The following KLK1 variants were observed in gnomAD, a reference collection of about 807,000 sequenced individuals.
The protein encoded by KLK1 is kallikrein 1, also known as kallikrein-1.
In KLK1, 22 loss-of-function variants were observed where a neutral mutation model predicts 23.3. The observed-to-expected ratio is 0.95, with a 90% CI of 0.68 to 1.35. The LOEUF (loss-of-function observed/expected upper bound fraction) is 1.35. KLK1 is among the 40% of genes most tolerant of loss of function. KLK1 has a pLI of 0.00. For missense variants in KLK1, 301 were observed against 338.9 expected, an observed-to-expected ratio of 0.89 and a Z score of 0.88; for synonymous variants, 140 against 135.8, an observed-to-expected ratio of 1.03 and a Z score of -0.21.
rs542846850 is a variant in KLK1 at position 50,821,761 on chromosome 19, T to C, written c.157A>G (p.Ile53Val). The C allele has an allele frequency of 6.2e-7, 1 of 1,613,942 alleles. No individual in the cohort carries two copies. Among genetic ancestry groups the C allele is most frequent in the East Asian group, 2.2e-5 (1 of 44,858 alleles). ...YHFSTFQCGG[I>V]LVHRQWVLTA... ...AGCACCCACTGGCGGTGCACCAGGATGCCCCCACACTGGAAAGTGCTGAAA... is the reference window on the plus strand; with the variant it reads ...AGCACCCACTGGCGGTGCACCAGGACGCCCCCACACTGGAAAGTGCTGAAA... Residue 53 changes from isoleucine to valine, a missense_variant, in exon 2 of 5, where the codon ATC becomes GTC. Transcript: ENST00000301420. The surrounding 1 kb of genome is among the most constrained non-coding windows in gnomAD (Gnocchi z 5.6).
At chr19:50,822,763 C>T in intron 1 of KLK1, 1 of 985,194 alleles carries the variant, frequency 1.0e-6, no homozygotes, top group Non-Finnish European at 1.2e-6. Context: ...ATGGGGTCCT[C>T]TTGGAGGCAA....
chr19:50,820,209 G>A lies in KLK1; in HGVS notation c.441C>T (p.Pro147=), dbSNP rs1232637714. 5 of 1,611,648 alleles carry A rather than the reference G, an allele frequency of 3.1e-6. No homozygotes were observed. The highest frequency in any genetic ancestry group is 2.2e-5 in the South Asian group (2 of 90,970). The stretch of plus-strand genomic sequence containing the variant: ...AAGCCAAACAGGTGCTCCCCACTTC[G>A]GGTTCCTCGGTGGGCAACTCCACGA... ...VKVVELPTEE[P]EVGSTCLASG... Residue 147 remains proline (P), a synonymous_variant, in exon 3 of 5, where the codon CCC becomes CCT. Coordinates refer to ENST00000301420, the MANE Select transcript of KLK1 (RefSeq NM_002257.4).
chr19:50,819,254 G>A lies in KLK1; in HGVS notation c.729C>T (p.Val243=), dbSNP rs200900605. Residue 243 remains valine (V), a synonymous_variant, in exon 5 of 5, where the codon GTC becomes GTT. Coordinates refer to ENST00000301420, the MANE Select transcript of KLK1 (RefSeq NM_002257.4). ...TCACATAAGACAGCACTCTGACGGCGACAGAAGGCTTATTGGGGGTGCCAC... is the reference window on the plus strand; with the variant it reads ...TCACATAAGACAGCACTCTGACGGCAACAGAAGGCTTATTGGGGGTGCCAC... ...VPCGTPNKPS[V]AVRVLSYVKW... is the part of the protein sequence containing the mutation. 7.6e-4 allele frequency: 1,225 copies of A among 1,614,196 alleles called. 13 individuals are homozygous for A. The South Asian group carries it at 0.013, about 17-fold the overall frequency.
At chr19:50,822,019 G>A (rs1390748098) in intron 1 of KLK1, 148 bp from the exon 2 acceptor site, 9 of 1,430,068 alleles carry the variant, frequency 6.3e-6, no homozygotes, top group South Asian at 6.0e-5. Context: ...AAGGGGTGTT[G>A]GGAAGGGGTG....
rs200471294 is a variant in KLK1, at chr19:50,820,025, T to C, written c.507A>G (p.Pro169=). ...GSIEPENFSF[P]DDLQCVDLKI... ...TGAGGTCCACACACTGGAGATCATC[T>C]GGAAATGAGACTACGAACCCGGGAG... Residue 169 remains proline (P), a synonymous_variant, in exon 4 of 5, where the codon CCA becomes CCG. Coordinates refer to ENST00000301420, the MANE Select transcript of KLK1 (RefSeq NM_002257.4). 6.2e-7 allele frequency: 1 copy of C among 1,614,150 alleles called. No homozygotes were observed. Among genetic ancestry groups the C allele is most frequent in the Non-Finnish European group, 8.5e-7 (1 of 1,180,008 alleles).
intron 2 of KLK1, chr19:50,820,848 G>A (rs1389298456): frequency 1.3e-5 from 2 of 157,514 alleles, no homozygotes; most frequent in Non-Finnish European, 2.8e-5. Flanking sequence ...GAAAAAGGAC[G>A]CGGGACGTCA....
rs776952029 is a variant in KLK1, at chr19:50,819,898, C to A, written c.633+1G>T. The A allele has an allele frequency of 1.2e-6, 2 of 1,613,918 alleles. No individual in the cohort carries two copies. The highest frequency in any genetic ancestry group is 3.3e-5 in the Admixed American group (2 of 59,988). ...AGACCCTGGGGGCAGGGCTGCCTCA[C>A]CACACAGGTGTCTTTGCCACCTTCC... On this transcript the variant is annotated splice_donor_variant, in intron 4 of 4. Transcript: ENST00000301420. LOFTEE classifies it high-confidence loss of function.
chr19:50,821,610 G>GC lies in KLK1; in HGVS notation c.206+101dup. On this transcript the variant is annotated intron_variant, in intron 2 of 4. Coordinates refer to ENST00000301420, the MANE Select transcript of KLK1 (RefSeq NM_002257.4). The surrounding 1 kb of genome is among the most constrained non-coding windows in gnomAD (Gnocchi z 5.6). ...CGCCAGAGCCTTCCTCTCTGCCTCA[G>GC]CCCCCCAGTCTTGCCTGAGGTTATC... 2.1e-6 allele frequency: 3 copies of GC among 1,409,172 alleles called. No individual in the cohort carries two copies. The highest frequency in any genetic ancestry group is 1.5e-5 in the South Asian group (1 of 65,262). 87.3% of individuals were successfully genotyped at this position (1,409,172 alleles called of 1,614,324 possible). A position where few individuals can be genotyped will look rare whatever the true frequency, so the allele number is the denominator to read the frequency against.
At chr19:50,820,619 GAA>G (rs2089821657) in intron 2 of KLK1, 176 bp from the exon 3 acceptor site, 11 of 566,316 alleles carry the variant, frequency 1.9e-5, no homozygotes, top group Middle Eastern at 3.7e-4. Flanking sequence ...ATGGGAAGAT[GAA>G]AGATTTTGAG....
At chr19:50,819,831 A>G (rs2089810799) in intron 4 of KLK1, 68 bp downstream of exon 4, 1 of 1,521,640 alleles carries the variant, frequency 6.6e-7, no homozygotes, top group African/African-American at 1.4e-5. Context: ...GTTAGCTCTC[A>G]GAAGCCAGTT....
intron 2 of KLK1, 47 bp from the exon 3 acceptor site, chr19:50,820,490 AGG>A: frequency 3.1e-6 from 1 of 327,590 alleles, no homozygotes; most frequent in Non-Finnish European, 5.5e-6. Context: ...GAAGGGGAAA[AGG>A]GGATGGGGCA....
At chr19:50,820,477 CGGGAAGGGGAAAAGGGGATG>C in intron 2 of KLK1, 34 bp from the exon 3 acceptor site, 1 of 659,470 alleles carries the variant, frequency 1.5e-6, no homozygotes, top group Non-Finnish European at 2.3e-6. Context: ...GATGAGAAGA[CGGGAAGGGGAAAAGGGGATG>C]GGGCAGGGGA....
At chr19:50,819,580 T>C (rs3212834) in intron 4 of KLK1, among the ~76,000 whole-genome samples, 40,967 of 151,938 alleles carry the variant, frequency 0.27, 6,213 homozygotes, top group East Asian at 0.58. Context: ...GCAGACAGGT[T>C]AGGGGGAGGA....
At chr19:50,822,852 T>A in intron 1 of KLK1, 1 of 980,330 alleles carries the variant, frequency 1.0e-6, no homozygotes, top group Non-Finnish European at 1.2e-6. Flanking sequence ...CCACTTGACG[T>A]GAGGTTGTAG....
At chr19:50,822,536 T>C (rs1010331179) in intron 1 of KLK1, 2 of 985,126 alleles carry the variant, frequency 2.0e-6, no homozygotes, top group South Asian at 4.7e-5. Context: ...TGGTTAAGGC[T>C]AGAGGTGGGC....
In KLK1 at chr19:50,819,323, A is replaced by G. The variant is rs2089807009; in HGVS notation, c.660T>C (p.Cys220=). ...ATGTGACACCTTGGAGCACACCATC[A>G]CACATCAGCGGGCCCCCTGAATCAC... The part of the protein sequence containing the change: ...CVGDSGGPLM[C]DGVLQGVTSW... Residue 220 remains cysteine, a synonymous_variant, in exon 5 of 5, where the codon TGT becomes TGC. Transcript: ENST00000301420. 1 of 1,612,754 alleles carries G rather than the reference A, an allele frequency of 6.2e-7. No homozygotes were observed. The highest frequency in any genetic ancestry group is 1.3e-5 in the African/African-American group (1 of 74,892).
At chr19:50,823,196 C>T (rs991063838) in intron 1 of KLK1, among the ~76,000 whole-genome samples, 1 of 152,118 alleles carries the variant, frequency 6.6e-6, no homozygotes. Context: ...GACCAGATGT[C>T]AGGGTCTGGA....
intron 3 of KLK1, 21 bp from the exon 4 acceptor site, chr19:50,820,056 G>C: frequency 6.2e-7 from 1 of 1,613,892 alleles, no homozygotes. Context: ...GGGAGAAAAA[G>C]GGCTGCAGCC....
In KLK1 at chr19:50,821,048, T is replaced by TGG. The variant is rs1441191239; in HGVS notation, c.207-607_207-606dup. On this transcript the variant is annotated intron_variant, in intron 2 of 4. Coordinates refer to ENST00000301420, the MANE Select transcript of KLK1 (RefSeq NM_002257.4). The surrounding 1 kb of genome is among the most constrained non-coding windows in gnomAD (Gnocchi z 5.6). ...GCGGGCTCCCCAGGGGCAGGTGGCC[T>TGG]GGCCTGAAGTCCAAGGTCGAGGCCC... Among the ~76,000 whole-genome samples the TGG allele has an allele frequency of 6.6e-6, 1 of 152,126 alleles. No homozygotes were observed. The highest frequency in any genetic ancestry group is 2.4e-5 in the African/African-American group (1 of 41,428).
Sources: allele counts gnomAD v4.1 joint callset (sites outside exome capture counted in the v4.1 genomes callset), GRCh38; gene constraint gnomAD v4.1.1; non-coding constraint Gnocchi (gnomAD v3.1); transcripts MANE v1.5; gene names NCBI Gene and HGNC (gene_info 2026-07-23, HGNC 2026-07-21).